Variants in MMP16 observed in about 807,000 individuals in gnomAD.
MMP16 encodes matrix metallopeptidase 16, also known as matrix metalloproteinase-16.
Under a neutral mutation model 67.8 loss-of-function variants are expected in MMP16, and 12 were observed. The observed-to-expected ratio is 0.18, with a 90% CI of 0.11 to 0.29. MMP16 has a LOEUF of 0.29. Among genes scored for constraint, MMP16 ranks in the 10% least tolerant of loss-of-function variants. The probability of loss-of-function intolerance (pLI) is 1.00; values close to 1 mark genes in which losing one functional copy is unlikely to be tolerated. For synonymous variants in MMP16, 249 were observed against 255.9 expected, an observed-to-expected ratio of 0.97 and a Z score of 0.26; for missense variants, 475 against 765.7, an observed-to-expected ratio of 0.62 and a Z score of 4.48.
At chr8:88,205,016 T>C (rs952664807) in intron 1 of MMP16, among the ~76,000 whole-genome samples, 1 of 152,188 alleles carries the variant, frequency 6.6e-6, no homozygotes, top group Non-Finnish European at 1.5e-5. Flanking sequence ...TTTGGTCACA[T>C]TGAACTTCCA....
chr8:88,238,843 G>A (rs1202070976), intron 1 of MMP16, among the ~76,000 whole-genome samples: 1 of 151,112 alleles, frequency 6.6e-6, no homozygotes, highest in African/African-American at 2.4e-5. Flanking sequence ...TAAAAATTTT[G>A]GCTGGGTGCA....
intron 6 of MMP16, among the ~76,000 whole-genome samples, chr8:88,103,830 C>G (rs183538475): frequency 7.2e-5 from 11 of 151,824 alleles, no homozygotes; most frequent in Admixed American, 3.3e-4. Context: ...TACAAAACAG[C>G]AAAACTGTTA....
chr8:88,200,070 C>CT (rs991858200), intron 1 of MMP16, among the ~76,000 whole-genome samples: 4 of 151,970 alleles, frequency 2.6e-5, no homozygotes, highest in African/African-American at 4.8e-5. Context: ...TGCTTACCAA[C>CT]TACCCTGAGT....
At chr8:88,199,069 T>C (rs1226758324) in intron 1 of MMP16, among the ~76,000 whole-genome samples, 3 of 152,226 alleles carry the variant, frequency 2.0e-5, no homozygotes, top group South Asian at 2.1e-4. Context: ...TTAAACTGAA[T>C]GCTTTTTCCA....
At chr8:88,124,803 G>C (rs1236565696) in intron 4 of MMP16, among the ~76,000 whole-genome samples, 1 of 151,928 alleles carries the variant, frequency 6.6e-6, no homozygotes, top group African/African-American at 2.4e-5. Flanking sequence ...CCAGAAATCT[G>C]AGCTCAGGGC....
At chr8:88,074,483 C>T (rs566579627) in intron 7 of MMP16, 122 bp downstream of exon 7, 8 of 781,030 alleles carry the variant, frequency 1.0e-5, no homozygotes, top group Non-Finnish European at 1.5e-5. Flanking sequence ...TTCTAGTTAA[C>T]ATAGTTTATT....
rs1808034299 is a variant in MMP16, at chr8:88,034,863, C to A, written c.*6598G>T. ...CGACATACATTCATATAAAAGGTGG[C>A]AAGTACAAGCAGCACCATATCCTAT... On this transcript the variant is annotated 3_prime_UTR_variant, in exon 10 of 10. Transcript: ENST00000286614. The A allele has an allele frequency of 6.6e-6, 1 of 151,946 alleles. No individual in the cohort carries two copies. Among genetic ancestry groups the A allele is most frequent in the East Asian group, 1.9e-4 (1 of 5,178 alleles). 9.4% of individuals were successfully genotyped at this position (151,946 alleles called of 1,614,324 possible). A position where few individuals can be genotyped will look rare whatever the true frequency, so the allele number is the denominator to read the frequency against.
Position 88,210,651 on chromosome 8 carries a change from T to C in MMP16, c.133-13345A>G, listed in dbSNP as rs73288925. On this transcript the variant is annotated intron_variant, in intron 1 of 9. Coordinates refer to ENST00000286614, the MANE Select transcript of MMP16 (RefSeq NM_005941.5). ...AAAGATTAGCAGCTTCCCAGGCACA[T>C]CTGGGAAAGCTCTAGGAAATATACA... 1.8e-3 allele frequency among the ~76,000 whole-genome samples: 267 copies of C among 152,254 alleles called. 1 individual carries two copies. The highest frequency in any genetic ancestry group is 5.9e-3 in the African/African-American group (246 of 41,554).
At chr8:88,248,208 T>C (rs973389401) in intron 1 of MMP16, among the ~76,000 whole-genome samples, 2 of 151,860 alleles carry the variant, frequency 1.3e-5, no homozygotes, top group Non-Finnish European at 2.9e-5. Flanking sequence ...GGATGCAAAA[T>C]TAATGGATGC....
At chr8:88,153,095 T>C (rs1403326350) in intron 4 of MMP16, among the ~76,000 whole-genome samples, 2 of 138,554 alleles carry the variant, frequency 1.4e-5, no homozygotes, top group African/African-American at 5.4e-5. Flanking sequence ...AGCCAAATCA[T>C]GAGTGAACTC....
chr8:88,238,612 G>A (rs987823326), intron 1 of MMP16, among the ~76,000 whole-genome samples: 2 of 145,568 alleles, frequency 1.4e-5, no homozygotes, highest in African/African-American at 5.1e-5. Flanking sequence ...GTTGCAGTGA[G>A]CCGAGACTGT....
At chr8:88,273,425 C>T (rs1810598160) in intron 1 of MMP16, among the ~76,000 whole-genome samples, 1 of 152,044 alleles carries the variant, frequency 6.6e-6, no homozygotes. Context: ...GAGACTGGTC[C>T]TCAATCCTCC....
intron 4 of MMP16, among the ~76,000 whole-genome samples, chr8:88,142,490 C>A (rs1808228325): frequency 6.6e-6 from 1 of 151,762 alleles, no homozygotes; most frequent in Non-Finnish European, 1.5e-5. Context: ...ATTTATCAGA[C>A]CTGCAGTGGT....
intron 1 of MMP16, among the ~76,000 whole-genome samples, chr8:88,206,218 G>A (rs573237734): frequency 4.6e-5 from 7 of 152,126 alleles, no homozygotes; most frequent in Admixed American, 1.3e-4. Flanking sequence ...CACTGACACT[G>A]TTATACAATC....
At chr8:88,144,428 C>T (rs994327471) in intron 4 of MMP16, among the ~76,000 whole-genome samples, 16 of 151,284 alleles carry the variant, frequency 1.1e-4, no homozygotes, top group Admixed American at 9.9e-4. Context: ...TATGAAGTAT[C>T]CTGTATAGGT....
intron 1 of MMP16, among the ~76,000 whole-genome samples, chr8:88,303,589 A>T (rs1052519274): frequency 1.3e-5 from 2 of 152,194 alleles, no homozygotes; most frequent in Admixed American, 6.5e-5. Context: ...CCCCCCTGGG[A>T]CAGAGCCTTC....
intron 3 of MMP16, among the ~76,000 whole-genome samples, chr8:88,183,260 C>T (rs1280447742): frequency 6.6e-6 from 1 of 152,004 alleles, no homozygotes; most frequent in South Asian, 2.1e-4. Context: ...TATGCTAATG[C>T]AAGATGTTAA....
chr8:88,079,961 C>T (rs547700992), intron 6 of MMP16, among the ~76,000 whole-genome samples: 147 of 152,288 alleles, frequency 9.7e-4, no homozygotes, highest in Non-Finnish European at 1.8e-3. Context: ...GCCTAGTTTA[C>T]GGTGTTCTGG....
chr8:88,239,019 A>C (rs1366264120), intron 1 of MMP16, among the ~76,000 whole-genome samples: 1 of 152,074 alleles, frequency 6.6e-6, no homozygotes, highest in East Asian at 1.9e-4. Context: ...GAAAATATAA[A>C]ATCCTCCTTC....
Sources: gnomAD v4.1 joint callset for allele counts (sites outside exome capture counted in the v4.1 genomes callset) on GRCh38, gnomAD v4.1.1 for gene constraint, MANE v1.5 for transcripts, NCBI Gene and HGNC (gene_info 2026-07-23, HGNC 2026-07-21) for gene names.